Variants in FAM78B observed in about 807,000 individuals in gnomAD.
The protein encoded by FAM78B is family with sequence similarity 78 member B, also known as protein FAM78B.
FAM78B carries 10 observed loss-of-function variants against 20.0 expected under a neutral mutation model. The observed-to-expected ratio is 0.50, with a 90% CI of 0.31 to 0.85. The LOEUF (loss-of-function observed/expected upper bound fraction) is 0.85, where lower values mean the gene tolerates loss of function less well. Ranked by LOEUF, FAM78B falls within the 40% of genes least tolerant of loss-of-function variation. FAM78B has a pLI of 0.05. For missense variants in FAM78B, 283 were observed against 345.0 expected, an observed-to-expected ratio of 0.82 and a Z score of 1.42; for synonymous variants, 135 against 132.8, an observed-to-expected ratio of 1.02 and a Z score of -0.12.
intron 1 of FAM78B, among the ~76,000 whole-genome samples, chr1:166,078,660 C>T (rs1290285940): frequency 1.3e-5 from 2 of 152,162 alleles, no homozygotes; most frequent in African/African-American, 2.4e-5. Flanking sequence ...TGAAAAGAAC[C>T]CCACTTTGCT....
intron 1 of FAM78B, among the ~76,000 whole-genome samples, chr1:166,105,986 C>A (rs868803245): frequency 2.0e-5 from 3 of 151,644 alleles, no homozygotes; most frequent in Non-Finnish European, 2.9e-5. Context: ...ACTGGATTAA[C>A]AAAATGTGGC....
At chr1:166,151,451 C>T (rs999147744) in intron 1 of FAM78B, among the ~76,000 whole-genome samples, 2 of 152,080 alleles carry the variant, frequency 1.3e-5, no homozygotes, top group African/African-American at 2.4e-5. Context: ...TTGAAAAAAC[C>T]CTCCCAGCAT....
At chr1:166,128,725 T>A (rs761159899) in intron 1 of FAM78B, among the ~76,000 whole-genome samples, 1 of 152,166 alleles carries the variant, frequency 6.6e-6, no homozygotes, top group African/African-American at 2.4e-5. Context: ...ATTGAGTCTG[T>A]GAGAGACAGT....
At position 166,134,025 on chromosome 1, in the gene FAM78B, C is replaced by A. The variant is rs958494588; in HGVS notation, c.263+31961G>T. On this transcript the variant is annotated intron_variant, in intron 1 of 1. Coordinates refer to ENST00000354422, the MANE Select transcript of FAM78B (RefSeq NM_001017961.5). The stretch of plus-strand genomic sequence containing the variant: ...GAGCCCAGACCTGCCTAACTCCCAC[C>A]GTATGTTCTCCCCACTACCTCCCTC... Among the ~76,000 whole-genome samples the A allele has an allele frequency of 1.3e-4, 20 of 152,280 alleles. No individual in the cohort carries two copies. The South Asian group carries it at 4.1e-3, about 32-fold the overall frequency.
At chr1:166,146,443 G>A (rs374264011) in intron 1 of FAM78B, among the ~76,000 whole-genome samples, 3 of 152,120 alleles carry the variant, frequency 2.0e-5, no homozygotes, top group Admixed American at 6.5e-5. Context: ...GCTGCTGACC[G>A]GACAGGTAGG....
chr1:166,074,237 C>A (rs1401202391), intron 1 of FAM78B, among the ~76,000 whole-genome samples: 1 of 152,212 alleles, frequency 6.6e-6, no homozygotes, highest in African/African-American at 2.4e-5. Context: ...CCCATCTCCA[C>A]ACACCATGCC....
intron 1 of FAM78B, among the ~76,000 whole-genome samples, chr1:166,106,475 A>C (rs1041703568): frequency 6.6e-6 from 1 of 152,204 alleles, no homozygotes. Context: ...GTACACATAC[A>C]CCATGGAATA....
Position 166,069,924 on chromosome 1 carries a change from T to C in FAM78B, c.*317A>G. ...TTTAATTTCGTTTCCATCCCCTGCA[T>C]CTCACAGGAAAGAAATGGTCAATAG... On this transcript the variant is annotated 3_prime_UTR_variant, in exon 2 of 2. Coordinates refer to ENST00000354422, the MANE Select transcript of FAM78B (RefSeq NM_001017961.5). 9.9e-7 allele frequency: 1 copy of C among 1,008,380 alleles called. No individual in the cohort carries two copies. The highest frequency in any genetic ancestry group is 5.4e-5 in the Admixed American group (1 of 18,486). The allele number at this position is 1,008,380 out of a possible 1,614,324, so 62.5% of individuals were successfully genotyped here.
At chr1:166,107,614 G>GAGAA in intron 1 of FAM78B, among the ~76,000 whole-genome samples, 1 of 151,934 alleles carries the variant, frequency 6.6e-6, no homozygotes, top group Non-Finnish European at 1.5e-5. Context: ...CCACAAGATG[G>GAGAA]AGAAGGAACC....
chr1:166,131,289 G>A (rs1654869235), intron 1 of FAM78B, among the ~76,000 whole-genome samples: 2 of 152,258 alleles, frequency 1.3e-5, no homozygotes, highest in South Asian at 2.1e-4. Flanking sequence ...ACAAGAGTGA[G>A]CCACAGTGCC....
chr1:166,090,288 A>AACATACAT lies in FAM78B; in HGVS notation c.264-19526_264-19525insATGTATGT, dbSNP rs138028977. Reference sequence around the variant, plus strand: ...GCTTCTGAGCACGTAAACACAAACAAACATACAACATTTTCTAAGCCTGGT... The same window carrying AACATACAT: ...GCTTCTGAGCACGTAAACACAAACAAACATACATACATACAACATTTTCTAAGCCTGGT... On this transcript the variant is annotated intron_variant, in intron 1 of 1. Coordinates refer to ENST00000354422, the MANE Select transcript of FAM78B (RefSeq NM_001017961.5). Among the ~76,000 whole-genome samples the AACATACAT allele has an allele frequency of 3.9e-5, 6 of 152,270 alleles. No homozygotes were observed. The East Asian group carries it at 1.2e-3, about 29-fold the overall frequency.
intron 1 of FAM78B, among the ~76,000 whole-genome samples, chr1:166,155,415 C>T (rs1655855947): frequency 6.6e-6 from 1 of 152,156 alleles, no homozygotes; most frequent in African/African-American, 2.4e-5. Context: ...ATGGTGCTAC[C>T]TACTTTACAG....
chr1:166,077,693 T>C, intron 1 of FAM78B, among the ~76,000 whole-genome samples: 1 of 140,096 alleles, frequency 7.1e-6, no homozygotes, highest in Non-Finnish European at 1.5e-5. Context: ...ATATATAAAT[T>C]ATATATAATA....
At chr1:166,078,309 G>A (rs771842862) in intron 1 of FAM78B, among the ~76,000 whole-genome samples, 5 of 151,934 alleles carry the variant, frequency 3.3e-5, no homozygotes, top group African/African-American at 4.8e-5. Flanking sequence ...GATTACAGGC[G>A]TGAGCCACCG....
intron 1 of FAM78B, among the ~76,000 whole-genome samples, chr1:166,133,253 T>C (rs948819467): frequency 6.6e-6 from 1 of 152,174 alleles, no homozygotes; most frequent in African/African-American, 2.4e-5. Flanking sequence ...AGCAGCTTCA[T>C]GGTAGTACCG....
At chr1:166,159,380 T>C (rs1370523277) in intron 1 of FAM78B, among the ~76,000 whole-genome samples, 4 of 151,996 alleles carry the variant, frequency 2.6e-5, no homozygotes, top group Admixed American at 2.0e-4. Flanking sequence ...AGCATGACAA[T>C]AGTACCTAGT....
intron 1 of FAM78B, among the ~76,000 whole-genome samples, chr1:166,153,959 T>C (rs1655791579): frequency 6.6e-6 from 1 of 152,160 alleles, no homozygotes; most frequent in East Asian, 1.9e-4. Flanking sequence ...CATTTGATCA[T>C]GCCCCTATGC....
At chr1:166,093,680 A>G (rs769645094) in intron 1 of FAM78B, among the ~76,000 whole-genome samples, 1 of 152,226 alleles carries the variant, frequency 6.6e-6, no homozygotes, top group Non-Finnish European at 1.5e-5. Flanking sequence ...TTGCAGAATA[A>G]AAGAATTCTG....
chr1:166,102,148 C>T (rs906164062), intron 1 of FAM78B, among the ~76,000 whole-genome samples: 1 of 152,142 alleles, frequency 6.6e-6, no homozygotes, highest in Non-Finnish European at 1.5e-5. Context: ...ACTTTACAGA[C>T]AAGCAAATGC....
Sources: gnomAD v4.1 joint callset for allele counts (sites outside exome capture counted in the v4.1 genomes callset) on GRCh38, gnomAD v4.1.1 for gene constraint, MANE v1.5 for transcripts, NCBI Gene and HGNC (gene_info 2026-07-23, HGNC 2026-07-21) for gene names.